The following CPNE8 variants were observed in gnomAD, a reference collection of about 807,000 sequenced individuals.
CPNE8 encodes the protein copine-8.
A neutral mutation model predicts 81.5 loss-of-function variants in CPNE8; 45 were observed. That is an observed-to-expected ratio of 0.55 (90% CI 0.44 to 0.71). The LOEUF (loss-of-function observed/expected upper bound fraction) is 0.71. CPNE8 is among the 30% of genes least tolerant of loss of function. The pLI, the probability that CPNE8 is intolerant of heterozygous loss-of-function variation, is 0.00. For synonymous variants in CPNE8, 252 were observed against 226.3 expected, an observed-to-expected ratio of 1.11 and a Z score of -1.02; for missense variants, 594 against 672.1, an observed-to-expected ratio of 0.88 and a Z score of 1.28.
chr12:38,887,042 A>G (rs1944247023), intron 1 of CPNE8, among the ~76,000 whole-genome samples: 1 of 152,200 alleles, frequency 6.6e-6, no homozygotes, highest in Admixed American at 6.5e-5. Context: ...AAGATCTGGT[A>G]AATCAAGAGA....
At chr12:38,702,780 G>T in intron 14 of CPNE8, 95 bp downstream of exon 14, 1 of 701,132 alleles carries the variant, frequency 1.4e-6, no homozygotes, top group Non-Finnish European at 2.2e-6. Flanking sequence ...TCAGAAGTAT[G>T]TAAATATAGA....
intron 6 of CPNE8, among the ~76,000 whole-genome samples, chr12:38,808,755 AT>A (rs1183927326): frequency 1.3e-5 from 2 of 150,746 alleles, no homozygotes; most frequent in African/African-American, 4.8e-5. Flanking sequence ...AAGTATAATA[AT>A]AATAAAATAA....
chr12:38,832,625 C>CT (rs1943306594), intron 5 of CPNE8, among the ~76,000 whole-genome samples: 2 of 152,144 alleles, frequency 1.3e-5, no homozygotes, highest in African/African-American at 4.8e-5. Context: ...GTATAATGTA[C>CT]ATACGACTTA....
intron 7 of CPNE8, among the ~76,000 whole-genome samples, chr12:38,775,826 A>C (rs1424087129): frequency 6.6e-6 from 1 of 152,206 alleles, no homozygotes; most frequent in Non-Finnish European, 1.5e-5. Context: ...AAATTAGAAA[A>C]ATTGGGGAAA....
chr12:38,789,670 AAG>A (rs139176378), intron 6 of CPNE8, among the ~76,000 whole-genome samples: 1,962 of 151,860 alleles, frequency 0.013, 45 homozygotes, highest in African/African-American at 0.044. Flanking sequence ...CCCACAGAAT[AAG>A]AGAAAATATT....
At chr12:38,751,593 C>T (rs1041933623) in intron 10 of CPNE8, among the ~76,000 whole-genome samples, 1 of 152,160 alleles carries the variant, frequency 6.6e-6, no homozygotes, top group Non-Finnish European at 1.5e-5. Flanking sequence ...GTTGATACTA[C>T]ATTATGCCTA....
At chr12:38,740,635 C>T (rs1387089638) in intron 10 of CPNE8, among the ~76,000 whole-genome samples, 1 of 152,160 alleles carries the variant, frequency 6.6e-6, no homozygotes, top group Non-Finnish European at 1.5e-5. Context: ...TTTTCTGCAT[C>T]TATTGAGATA....
At chr12:38,811,443 C>T (rs1942932648) in intron 6 of CPNE8, among the ~76,000 whole-genome samples, 1 of 152,090 alleles carries the variant, frequency 6.6e-6, no homozygotes, top group Admixed American at 6.6e-5. Flanking sequence ...GGATGGTTCT[C>T]ACAAATTATT....
rs1421254867 is a variant in CPNE8 at position 38,833,330 on chromosome 12, C to T, written c.331-3875G>A. On this transcript the variant is annotated intron_variant, in intron 5 of 19. Transcript: ENST00000331366. Reference sequence around the variant, plus strand: ...TCGTGGCACTGTACTCCAGCCTGGGCGACAGAGTGAGACCTTATCTCAAAA... The same window carrying T: ...TCGTGGCACTGTACTCCAGCCTGGGTGACAGAGTGAGACCTTATCTCAAAA... 5.6e-5 allele frequency among the ~76,000 whole-genome samples: 7 copies of T among 125,224 alleles called. 1 individual carries two copies. Among genetic ancestry groups the T allele is most frequent in the African/African-American group, 1.6e-4 (5 of 32,142 alleles). The allele number at this position is 125,224 out of a possible 152,430, so 82.2% of individuals were successfully genotyped here. A position where few individuals can be genotyped will look rare whatever the true frequency, so the allele number is the denominator to read the frequency against.
intron 1 of CPNE8, among the ~76,000 whole-genome samples, chr12:38,879,320 T>C (rs571103320): frequency 4.3e-5 from 6 of 139,652 alleles, no homozygotes; most frequent in Non-Finnish European, 6.0e-5. Context: ...CTGTTTCCCC[T>C]TTTTTTTTTC....
intron 14 of CPNE8, among the ~76,000 whole-genome samples, chr12:38,701,201 T>G (rs958022734): frequency 1.3e-5 from 2 of 152,314 alleles, no homozygotes; most frequent in Admixed American, 6.5e-5. Context: ...TATTAATTCC[T>G]CTTCAGATAG....
intron 10 of CPNE8, among the ~76,000 whole-genome samples, chr12:38,748,752 A>T (rs1480387480): frequency 6.6e-6 from 1 of 152,080 alleles, no homozygotes; most frequent in Admixed American, 6.6e-5. Context: ...ATCCACCATA[A>T]CAGTATTTTT....
intron 14 of CPNE8, among the ~76,000 whole-genome samples, chr12:38,698,626 G>A (rs1939856007): frequency 2.0e-5 from 3 of 152,172 alleles, no homozygotes; most frequent in Non-Finnish European, 4.4e-5. Flanking sequence ...TGGCTATCCA[G>A]TTGTCCCAGC....
At chr12:38,762,062 G>A (rs749682679) in intron 9 of CPNE8, 50 bp downstream of exon 9, 2 of 971,314 alleles carry the variant, frequency 2.1e-6, no homozygotes, top group Non-Finnish European at 1.4e-6. Flanking sequence ...AATCACTGTA[G>A]ATTTTTTTAA....
chr12:38,713,300 C>T (rs1940306919), intron 13 of CPNE8, among the ~76,000 whole-genome samples: 1 of 152,132 alleles, frequency 6.6e-6, no homozygotes, highest in African/African-American at 2.4e-5. Context: ...CTCTCATACT[C>T]CCTTTCTCTT....
At chr12:38,709,484 T>A (rs1304674262) in intron 13 of CPNE8, among the ~76,000 whole-genome samples, 2 of 152,216 alleles carry the variant, frequency 1.3e-5, no homozygotes. Flanking sequence ...TCACTCATGA[T>A]TCACGTGATC....
intron 1 of CPNE8, among the ~76,000 whole-genome samples, chr12:38,899,297 G>A (rs746340233): frequency 1.3e-5 from 2 of 152,062 alleles, no homozygotes; most frequent in Non-Finnish European, 2.9e-5. Flanking sequence ...TGGGAATACT[G>A]TCCTGATAAA....
chr12:38,773,832 G>C (rs1174002967), intron 7 of CPNE8, among the ~76,000 whole-genome samples: 2 of 151,978 alleles, frequency 1.3e-5, no homozygotes, highest in African/African-American at 2.4e-5. Flanking sequence ...TACTAATGTA[G>C]TAATGAAATA....
chr12:38,741,599 A>C (rs1000396514), intron 10 of CPNE8, among the ~76,000 whole-genome samples: 3 of 152,206 alleles, frequency 2.0e-5, no homozygotes, highest in Non-Finnish European at 4.4e-5. Context: ...CCTAGGCAAT[A>C]CCATTCAGGA....
Sources: allele counts gnomAD v4.1 joint callset (sites outside exome capture counted in the v4.1 genomes callset), GRCh38; gene constraint gnomAD v4.1.1; transcripts MANE v1.5; gene names NCBI Gene and HGNC (gene_info 2026-07-23, HGNC 2026-07-21).